The following MED12L variants were observed in gnomAD, a reference collection of about 807,000 sequenced individuals.
MED12L encodes the protein mediator complex subunit 12L.
A neutral mutation model predicts 281.3 loss-of-function variants in MED12L; 60 were observed. That is an observed-to-expected ratio of 0.21 (90% CI 0.17 to 0.26). The LOEUF (loss-of-function observed/expected upper bound fraction) is 0.26, where lower values mean the gene tolerates loss of function less well. Ranked by LOEUF, MED12L falls within the 10% of genes least tolerant of loss-of-function variation. MED12L has a pLI of 1.00. For missense variants in MED12L, 2,146 were observed against 2,680.9 expected (o/e 0.80, Z 4.41); for synonymous variants, 974 against 987.2 (o/e 0.99, Z 0.25).
chr3:151,120,247 C>A (rs1007080232), intron 3 of MED12L, among the ~76,000 whole-genome samples: 1 of 150,830 alleles, frequency 6.6e-6, no homozygotes, highest in Non-Finnish European at 1.5e-5. Context: ...AAACGAAAAA[C>A]CAAAAACAAA....
chr3:151,315,029 G>A (rs1017012719), intron 16 of MED12L, among the ~76,000 whole-genome samples: 1 of 152,114 alleles, frequency 6.6e-6, no homozygotes, highest in African/African-American at 2.4e-5. Context: ...GATGCTTCTA[G>A]GGAGGTGACT....
At chr3:151,416,443 A>G in intron 43 of MED12L, 21 bp downstream of exon 43, 1 of 1,611,876 alleles carries the variant, frequency 6.2e-7, no homozygotes, top group Non-Finnish European at 8.5e-7. Flanking sequence ...TTGTTTTGGA[A>G]TCAGACATGT....
intron 16 of MED12L, chr3:151,338,032 C>T: frequency 6.2e-7 from 1 of 1,614,116 alleles, no homozygotes; most frequent in Non-Finnish European, 8.5e-7. Flanking sequence ...GTATTTTCAG[C>T]AGTGCAGTCA....
At chr3:151,314,313 T>A (rs879778418) in intron 16 of MED12L, among the ~76,000 whole-genome samples, 2 of 152,222 alleles carry the variant, frequency 1.3e-5, no homozygotes, top group Non-Finnish European at 2.9e-5. Flanking sequence ...CTATTCTGCC[T>A]GTGTTTGCCA....
At chr3:151,248,835 C>G (rs1338002486) in intron 16 of MED12L, 1 of 152,068 alleles carries the variant, frequency 6.6e-6, no homozygotes, top group African/African-American at 2.4e-5. Flanking sequence ...TTTAACTGTA[C>G]TCTGCATTAG....
chr3:151,243,432 A>G (rs374680436), intron 16 of MED12L, among the ~76,000 whole-genome samples: 1 of 152,048 alleles, frequency 6.6e-6, no homozygotes, highest in African/African-American at 2.4e-5. Flanking sequence ...CAGAAACCCT[A>G]CAAGCCAGAA....
chr3:151,298,518 G>A (rs1033666861), intron 16 of MED12L, among the ~76,000 whole-genome samples: 1 of 152,210 alleles, frequency 6.6e-6, no homozygotes, highest in African/African-American at 2.4e-5. Flanking sequence ...GCTTGACACA[G>A]AGCGATAATT....
Position 151,416,540 on chromosome 3 carries a change from T to G in MED12L, c.6408+118T>G. ...AAGCCTAAGTATACCCTAAAAATTT[T>G]TCCTAGAACTTTACTAGAGTTTTAT... is the stretch of plus-strand genomic sequence containing the variant. On this transcript the variant is annotated intron_variant, in intron 43 of 44. Coordinates refer to ENST00000687756, the MANE Select transcript of MED12L (RefSeq NM_001393769.1). 8.9e-6 allele frequency: 9 copies of G among 1,006,342 alleles called. 1 individual carries two copies. The South Asian group carries it at 1.3e-4, about 14-fold the overall frequency. 62.3% of individuals were successfully genotyped at this position (1,006,342 alleles called of 1,614,324 possible).
intron 16 of MED12L, among the ~76,000 whole-genome samples, chr3:151,277,913 T>C (rs565683483): frequency 2.6e-5 from 4 of 152,360 alleles, no homozygotes; most frequent in African/African-American, 9.6e-5. Flanking sequence ...CTAAGTATTA[T>C]GCTAATCGAT....
intron 27 of MED12L, among the ~76,000 whole-genome samples, chr3:151,374,925 G>C (rs540758397): frequency 5.3e-5 from 8 of 151,930 alleles, no homozygotes; most frequent in African/African-American, 1.9e-4. Context: ...TGTTTTAAAA[G>C]TTCTCTTATA....
intron 16 of MED12L, among the ~76,000 whole-genome samples, chr3:151,319,206 A>G (rs1270754142): frequency 1.3e-5 from 2 of 152,176 alleles, no homozygotes; most frequent in Admixed American, 6.5e-5. Context: ...ACTTTGATGC[A>G]AAGAGCAGCT....
At chr3:151,304,017 A>G (rs1017622842) in intron 16 of MED12L, among the ~76,000 whole-genome samples, 7 of 152,162 alleles carry the variant, frequency 4.6e-5, no homozygotes, top group African/African-American at 1.4e-4. Flanking sequence ...GTGCCACTGG[A>G]TGGGATTCAG....
intron 8 of MED12L, among the ~76,000 whole-genome samples, chr3:151,162,253 C>T (rs1340299747): frequency 6.6e-6 from 1 of 152,100 alleles, no homozygotes; most frequent in East Asian, 1.9e-4. Context: ...GAGAACTCCA[C>T]ATTGTTACAG....
chr3:151,109,615 G>T (rs1711558445), intron 2 of MED12L, among the ~76,000 whole-genome samples: 1 of 152,188 alleles, frequency 6.6e-6, no homozygotes. Context: ...GGGCCGCTTG[G>T]TGAGGACTGT....
chr3:151,393,484 A>C (rs1430818176), intron 38 of MED12L, among the ~76,000 whole-genome samples: 1 of 152,144 alleles, frequency 6.6e-6, no homozygotes, highest in African/African-American at 2.4e-5. Context: ...GATGACTTCT[A>C]GTTCTGTCCT....
At position 151,181,576 on chromosome 3, in the gene MED12L, C is replaced by CTT. The variant is rs57658133; in HGVS notation, c.1495-3728_1495-3727dup. 8.9e-4 allele frequency among the ~76,000 whole-genome samples: 42 copies of CTT among 47,100 alleles called. 3 individuals carry two copies. The highest frequency in any genetic ancestry group is 2.8e-3 in the African/African-American group (40 of 14,076). The allele number at this position is 47,100 out of a possible 152,430, so 30.9% of individuals were successfully genotyped here. The stretch of plus-strand genomic sequence containing the variant: ...CATGCCACTGTACTTAGCTCATTGT[C>CTT]TTTTTTTTTTTTTTTTTTTTTTTTT... On this transcript the variant is annotated intron_variant, in intron 11 of 44. Coordinates refer to ENST00000687756, the MANE Select transcript of MED12L (RefSeq NM_001393769.1).
At chr3:151,397,655 C>T (rs2108274599) in intron 39 of MED12L, among the ~76,000 whole-genome samples, 1 of 152,246 alleles carries the variant, frequency 6.6e-6, no homozygotes, top group Non-Finnish European at 1.5e-5. Context: ...TTGCTGGGCA[C>T]AGTTTGCTTT....
intron 25 of MED12L, 71 bp from the exon 26 acceptor site, chr3:151,369,365 C>A: frequency 1.9e-6 from 2 of 1,051,822 alleles, no homozygotes; most frequent in Non-Finnish European, 2.8e-6. Flanking sequence ...GAAAGGCTGA[C>A]TGCCTGTAAA....
chr3:151,333,114 T>C (rs1259112523), intron 16 of MED12L, among the ~76,000 whole-genome samples: 1 of 152,234 alleles, frequency 6.6e-6, no homozygotes, highest in African/African-American at 2.4e-5. Context: ...TCATGGTGTA[T>C]ATGTACCACA....
Sources: allele counts gnomAD v4.1 joint callset (sites outside exome capture counted in the v4.1 genomes callset), GRCh38; gene constraint gnomAD v4.1.1; transcripts MANE v1.5; gene names NCBI Gene and HGNC (gene_info 2026-07-23, HGNC 2026-07-21).